GPA33: variants seen among roughly 807,000 people sequenced by gnomAD.
GPA33 encodes the protein glycoprotein A33, also known as cell surface A33 antigen.
In GPA33, 27 loss-of-function variants were observed where a neutral mutation model predicts 35.6. The observed-to-expected ratio is 0.76, with a 90% CI of 0.56 to 1.04. GPA33 has a LOEUF of 1.04. Ranked by LOEUF, GPA33 falls within the 50% of genes least tolerant of loss-of-function variation. The pLI, the probability that GPA33 is intolerant of heterozygous loss-of-function variation, is 0.00. For missense variants in GPA33, 428 were observed against 411.9 expected, an observed-to-expected ratio of 1.04 and a Z score of -0.34; for synonymous variants, 176 against 164.0, an observed-to-expected ratio of 1.07 and a Z score of -0.56.
At chr1:167,073,327 A>C in intron 2 of GPA33, 58 bp downstream of exon 2, 1 of 1,428,250 alleles carries the variant, frequency 7.0e-7, no homozygotes, top group Non-Finnish European at 9.8e-7. Context: ...GCCTTCTAAG[A>C]GGTCCTGGTC....
intron 4 of GPA33, among the ~76,000 whole-genome samples, chr1:167,059,484 C>A (rs1666385278): frequency 6.6e-6 from 1 of 151,844 alleles, no homozygotes; most frequent in South Asian, 2.1e-4. Context: ...ATCCCCCCAA[C>A]CCCTACCCAA....
rs968529286 is a variant in GPA33, at chr1:167,090,258, C to G, written c.30G>C (p.Trp10Cys). MVGKMWPVL[W>C]TLCAVRVTVD... is the part of the protein sequence containing the mutation. ...GGGCCTACTCACCTGCACAGAGTGT[C>G]CACAACACAGGCCACATCTTCCCCA... The change falls in exon 1 of 7, where the codon TGG becomes TGC. Residue 10 changes from tryptophan to cysteine, a missense_variant. Coordinates refer to ENST00000367868, the MANE Select transcript of GPA33 (RefSeq NM_005814.3). 1 of 1,613,396 alleles carries G rather than the reference C, an allele frequency of 6.2e-7. No homozygotes were observed. The highest frequency in any genetic ancestry group is 1.3e-5 in the African/African-American group (1 of 74,910).
At chr1:167,089,804 G>A (rs911945494) in intron 1 of GPA33, among the ~76,000 whole-genome samples, 1 of 152,002 alleles carries the variant, frequency 6.6e-6, no homozygotes, top group Non-Finnish European at 1.5e-5. Context: ...AATGATACGG[G>A]ATAAGTTGCA....
At chr1:167,062,913 C>A (rs977940804) in intron 4 of GPA33, among the ~76,000 whole-genome samples, 1 of 151,982 alleles carries the variant, frequency 6.6e-6, no homozygotes, top group African/African-American at 2.4e-5. Flanking sequence ...GTGGAGCCCC[C>A]GAGTTAGACT....
At chr1:167,083,940 T>A (rs994073071) in intron 1 of GPA33, among the ~76,000 whole-genome samples, 2 of 151,756 alleles carry the variant, frequency 1.3e-5, no homozygotes, top group African/African-American at 4.8e-5. Flanking sequence ...AAAAACAGCA[T>A]CCTTGTCTCA....
intron 1 of GPA33, among the ~76,000 whole-genome samples, chr1:167,075,936 G>A (rs1666813767): frequency 6.6e-6 from 1 of 152,174 alleles, no homozygotes; most frequent in Non-Finnish European, 1.5e-5. Context: ...CCAGGGACCT[G>A]AGGGCAGAGA....
At chr1:167,068,340 G>A (rs1342611992) in intron 3 of GPA33, among the ~76,000 whole-genome samples, 4 of 152,174 alleles carry the variant, frequency 2.6e-5, no homozygotes, top group African/African-American at 9.7e-5. Flanking sequence ...GGATATTAAA[G>A]TAGATGATCT....
At chr1:167,074,906 CTTT>C (rs774982628) in intron 1 of GPA33, among the ~76,000 whole-genome samples, 4 of 121,724 alleles carry the variant, frequency 3.3e-5, no homozygotes, top group Admixed American at 8.6e-5. Context: ...ATTTGACTTA[CTTT>C]TTTTTTTTTT....
At chr1:167,056,853 TGTGGTG>T (rs1666311329) in intron 4 of GPA33, among the ~76,000 whole-genome samples, 3 of 15,240 alleles carry the variant, frequency 2.0e-4, no homozygotes, top group Middle Eastern at 0.017. Flanking sequence ...GTGTAATGTG[TGTGGTG>T]TGTGTGTGGT....
intron 4 of GPA33, among the ~76,000 whole-genome samples, chr1:167,062,567 C>A (rs747264585): frequency 1.8e-4 from 27 of 151,184 alleles, no homozygotes; most frequent in Non-Finnish European, 2.9e-4. Flanking sequence ...CACTAGGGGC[C>A]CTGGGACTCC....
intron 4 of GPA33, among the ~76,000 whole-genome samples, chr1:167,060,259 G>T (rs1424993800): frequency 6.6e-6 from 1 of 152,076 alleles, no homozygotes; most frequent in Non-Finnish European, 1.5e-5. Flanking sequence ...TTTTGGTAGA[G>T]ACAGGGTTTC....
At chr1:167,056,609 T>TATGTGGCATAAGG (rs1316962251) in intron 4 of GPA33, among the ~76,000 whole-genome samples, 44 of 166 alleles carry the variant, frequency 0.27, 6 homozygotes, top group South Asian at 0.5. Flanking sequence ...GTGGTGTGTG[T>TATGTGGCATAAGG]AGTGTGTGTG....
chr1:167,087,556 G>A (rs1458488023), intron 1 of GPA33, among the ~76,000 whole-genome samples: 1 of 152,158 alleles, frequency 6.6e-6, no homozygotes, highest in Non-Finnish European at 1.5e-5. Context: ...GGAGGGACGG[G>A]TGGAACATTT....
At chr1:167,082,095 C>T (rs1479585041) in intron 1 of GPA33, 1 of 346,740 alleles carries the variant, frequency 2.9e-6, no homozygotes, top group Non-Finnish European at 5.6e-6. Flanking sequence ...GGATTCAATT[C>T]ACGGTGTTGG....
At chr1:167,065,695 G>C (rs1443612199) in intron 3 of GPA33, among the ~76,000 whole-genome samples, 1 of 152,186 alleles carries the variant, frequency 6.6e-6, no homozygotes, top group Non-Finnish European at 1.5e-5. Context: ...CTTGGAAAGA[G>C]CCAGGCTATT....
intron 2 of GPA33, 82 bp downstream of exon 2, chr1:167,073,303 A>G (rs1264957642): frequency 4.3e-6 from 5 of 1,176,394 alleles, no homozygotes; most frequent in South Asian, 1.4e-5. Flanking sequence ...TTATGGAAAG[A>G]CTTCATAGTG....
At chr1:167,067,583 C>T (rs759608552) in intron 3 of GPA33, among the ~76,000 whole-genome samples, 12 of 152,018 alleles carry the variant, frequency 7.9e-5, no homozygotes, top group Non-Finnish European at 1.6e-4. Flanking sequence ...GAAATGAGAC[C>T]TATTTAAGGG....
intron 1 of GPA33, among the ~76,000 whole-genome samples, chr1:167,076,396 T>C (rs1421373015): frequency 2.0e-5 from 3 of 152,122 alleles, no homozygotes; most frequent in Non-Finnish European, 4.4e-5. Context: ...AAGTTCTTAC[T>C]GAATGTTCCC....
Position 167,053,460 on chromosome 1 carries a change from C to CG in GPA33, c.*873dup, listed in dbSNP as rs1229108485. On this transcript the variant is annotated 3_prime_UTR_variant, in exon 7 of 7. Transcript: ENST00000367868. ...AAGCTTAAGTGCCCACTAGGATGGG[C>CG]GCCAGCTACTAGGGCTTCAGGGAAA... is the stretch of plus-strand genomic sequence containing the variant. The CG allele has an allele frequency of 4.6e-5, 7 of 152,410 alleles. No individual in the cohort carries two copies. The East Asian group carries it at 1.3e-3, about 29-fold the overall frequency. The allele number at this position is 152,410 out of a possible 1,614,324, so 9.4% of individuals were successfully genotyped here. A position where few individuals can be genotyped will look rare whatever the true frequency, so the allele number is the denominator to read the frequency against.
Sources: gnomAD v4.1 joint callset for allele counts (sites outside exome capture counted in the v4.1 genomes callset) on GRCh38, gnomAD v4.1.1 for gene constraint, MANE v1.5 for transcripts, NCBI Gene and HGNC (gene_info 2026-07-23, HGNC 2026-07-21) for gene names.